The following ZNF84 variants were observed in gnomAD, a reference collection of about 807,000 sequenced individuals.
The protein encoded by ZNF84 is zinc finger protein HPF2.
ZNF84 carries 12 observed loss-of-function variants against 14.8 expected under a neutral mutation model. The observed-to-expected ratio is 0.81, with a 90% CI of 0.52 to 1.31. ZNF84 has a LOEUF of 1.31. Among genes scored for constraint, ZNF84 ranks in the 50% most tolerant of loss-of-function variants. The pLI is 0.00. For synonymous variants in ZNF84, 347 were observed against 291.1 expected, an observed-to-expected ratio of 1.19 and a Z score of -1.96; for missense variants, 859 against 878.6, an observed-to-expected ratio of 0.98 and a Z score of 0.28.
intron 2 of ZNF84, among the ~76,000 whole-genome samples, chr12:133,046,959 A>ATT (rs1953993176): frequency 7.6e-6 from 1 of 132,012 alleles, no homozygotes; most frequent in African/African-American, 2.6e-5. Flanking sequence ...ATATTATATT[A>ATT]TGTATTATAT....
chr12:133,055,431 CA>C (rs2137408363), intron 4 of ZNF84, among the ~76,000 whole-genome samples: 1 of 152,150 alleles, frequency 6.6e-6, no homozygotes, highest in East Asian at 1.9e-4. Context: ...CAATTTCTCA[CA>C]AAAACTTCAA....
intron 2 of ZNF84, among the ~76,000 whole-genome samples, chr12:133,044,317 A>ATT (rs11326247): frequency 7.6e-4 from 107 of 140,262 alleles, no homozygotes; most frequent in East Asian, 6.2e-3. Flanking sequence ...GCTAGTTTAA[A>ATT]TTTTTTTTTT....
intron 3 of ZNF84, 46 bp downstream of exon 3, chr12:133,048,127 G>A (rs900277872): frequency 6.5e-7 from 1 of 1,535,710 alleles, no homozygotes; most frequent in Admixed American, 1.9e-5. Context: ...CCAATGCATT[G>A]CCTTTTATTT....
chr12:133,055,766 A>G (rs1458095368), intron 4 of ZNF84, among the ~76,000 whole-genome samples: 2 of 152,222 alleles, frequency 1.3e-5, no homozygotes, highest in Non-Finnish European at 2.9e-5. Flanking sequence ...GAAAACTATT[A>G]GAAGAAAACT....
rs200718382 is a variant in ZNF84, at chr12:133,058,458, C to A, written c.1743C>A (p.Ser581=). 60 of 1,613,656 alleles carry A rather than the reference C, an allele frequency of 3.7e-5. 1 individual carries two copies. The highest frequency in any genetic ancestry group is 2.1e-4 in the South Asian group (19 of 91,054). The change falls in exon 5 of 5, where the codon TCC becomes TCA. Residue 581 remains serine (S), a synonymous_variant. Transcript: ENST00000539354. ...GCAGGGACTGTGAAAAAGCTTTCTC[C>A]CAGAAATCACAGCTAAATACCCATC... ...YECRDCEKAF[S]QKSQLNTHQR...
At position 133,057,656 on chromosome 12, in the gene ZNF84, C is replaced by G. The variant is rs1481027479; in HGVS notation, c.941C>G (p.Thr314Arg). 6.2e-7 allele frequency: 1 copy of G among 1,613,960 alleles called. No homozygotes were observed. The highest frequency in any genetic ancestry group is 8.5e-7 in the Non-Finnish European group (1 of 1,180,036). Residue 314 changes from threonine to arginine, a missense_variant, in exon 5 of 5, where the codon ACA (threonine) becomes AGA (arginine). Thr to Arg is a moderately conservative substitution (Grantham distance 71). Transcript: ENST00000539354. ...CTCATATCGCATTGGAGAACACACACAGGAGAGAAACCCTATGGATGCAAT... is the reference window on the plus strand; with the variant it reads ...CTCATATCGCATTGGAGAACACACAGAGGAGAGAAACCCTATGGATGCAAT... The part of the protein sequence containing the change: ...SHLISHWRTH[T>R]GEKPYGCNEC...
At chr12:133,052,522 G>A (rs1469392099) in intron 4 of ZNF84, among the ~76,000 whole-genome samples, 2 of 152,074 alleles carry the variant, frequency 1.3e-5, no homozygotes, top group Admixed American at 1.3e-4. Flanking sequence ...TTTTGTACAG[G>A]CACAGTTTCA....
At chr12:133,049,737 C>T (rs951852575) in intron 4 of ZNF84, among the ~76,000 whole-genome samples, 14 of 152,090 alleles carry the variant, frequency 9.2e-5, no homozygotes, top group Non-Finnish European at 1.3e-4. Flanking sequence ...CTTTGGTCTC[C>T]CAAAGTGCTG....
At chr12:133,053,654 GAT>G (rs1954106160) in intron 4 of ZNF84, among the ~76,000 whole-genome samples, 1 of 152,130 alleles carries the variant, frequency 6.6e-6, no homozygotes, top group Admixed American at 6.5e-5. Context: ...GAGTTGGGAG[GAT>G]CACTTGAGCC....
chr12:133,038,422 G>A (rs1425682438), intron 1 of ZNF84, among the ~76,000 whole-genome samples: 1 of 150,820 alleles, frequency 6.6e-6, no homozygotes, highest in African/African-American at 2.5e-5. Flanking sequence ...CAGGCCCGGT[G>A]TGGTAGGGCA....
At chr12:133,041,915 G>T (rs1203748354) in intron 2 of ZNF84, among the ~76,000 whole-genome samples, 1 of 152,194 alleles carries the variant, frequency 6.6e-6, no homozygotes, top group South Asian at 2.1e-4. Context: ...CTCCTTATCT[G>T]CAGTTTTGCT....
chr12:133,048,135 T>C, intron 3 of ZNF84, 54 bp downstream of exon 3: 2 of 1,518,380 alleles, frequency 1.3e-6, no homozygotes, highest in South Asian at 1.3e-5. Context: ...TTGCCTTTTA[T>C]TTTTAGTTGC....
chr12:133,050,402 T>G, intron 4 of ZNF84: 1 of 398,132 alleles, frequency 2.5e-6, no homozygotes, highest in Non-Finnish European at 4.4e-6. Flanking sequence ...AGACCAATCT[T>G]ATGCTTTCAG....
At chr12:133,048,185 TTTAATGA>T in intron 3 of ZNF84, 104 bp downstream of exon 3, 1 of 1,137,824 alleles carries the variant, frequency 8.8e-7, no homozygotes, top group Non-Finnish European at 1.2e-6. Context: ...TTCTGAAATT[TTTAATGA>T]TTTTAGACCT....
intron 2 of ZNF84, among the ~76,000 whole-genome samples, chr12:133,044,263 G>C (rs1350089601): frequency 6.6e-6 from 1 of 151,674 alleles, no homozygotes; most frequent in Admixed American, 6.6e-5. Flanking sequence ...TCCCACCTCA[G>C]CCTCCCAAGT....
Position 133,057,491 on chromosome 12 carries a change from G to A in ZNF84, c.776G>A (p.Gly259Glu). ...QFITHHRTHT[G>E]EKPYNCSQCG... Reference sequence around the variant, plus strand: ...ATTACACATCACAGAACTCATACAGGAGAAAAACCTTATAATTGTAGCCAG... The same window carrying A: ...ATTACACATCACAGAACTCATACAGAAGAAAAACCTTATAATTGTAGCCAG... The change falls in exon 5 of 5, where the codon GGA (glycine) becomes GAA (glutamate). Residue 259 changes from glycine (G) to glutamate (E), a missense_variant. By Grantham distance (98) the Gly-to-Glu change is moderately conservative (BLOSUM62 -2). Coordinates refer to ENST00000539354, the MANE Select transcript of ZNF84 (RefSeq NM_001289971.2). 6.2e-7 allele frequency: 1 copy of A among 1,614,202 alleles called. No individual in the cohort carries two copies. The highest frequency in any genetic ancestry group is 1.6e-4 in the Middle Eastern group (1 of 6,062).
At position 133,063,184 on chromosome 12, in the gene ZNF84, T is replaced by G. The variant is rs1425631361; in HGVS notation, c.*4252T>G. 1.4e-6 allele frequency: 1 copy of G among 702,286 alleles called. No homozygotes were observed. Among genetic ancestry groups the G allele is most frequent in the Non-Finnish European group, 2.6e-6 (1 of 384,846 alleles). The allele number at this position is 702,286 out of a possible 1,614,324, so 43.5% of individuals were successfully genotyped here. A position where few individuals can be genotyped will look rare whatever the true frequency, so the allele number is the denominator to read the frequency against. On this transcript the variant is annotated 3_prime_UTR_variant, in exon 5 of 5. Transcript: ENST00000539354. Reference sequence around the variant, plus strand: ...AGAAAGAGTCCCGATTGTGTTCCAGTACCTGGTTCTTCTGGTCTTCATGTT... The same window carrying G: ...AGAAAGAGTCCCGATTGTGTTCCAGGACCTGGTTCTTCTGGTCTTCATGTT...
At position 133,058,094 on chromosome 12, in the gene ZNF84, T is replaced by A; in HGVS notation, c.1379T>A (p.Ile460Lys). ...QMTHTGEKPF[I>K]CSKCGKAFSR... is the part of the protein sequence containing the mutation. ...ACACACACAGGAGAAAAACCCTTTA[T>A]ATGCAGTAAATGTGGGAAAGCCTTC... Residue 460 changes from isoleucine to lysine, a missense_variant, in exon 5 of 5, where the codon ATA becomes AAA. Physicochemically the swap from Ile to Lys is moderately radical, Grantham distance 102 (BLOSUM62 -3). Coordinates refer to ENST00000539354, the MANE Select transcript of ZNF84 (RefSeq NM_001289971.2). 6.2e-7 allele frequency: 1 copy of A among 1,608,486 alleles called. No individual in the cohort carries two copies. The highest frequency in any genetic ancestry group is 8.5e-7 in the Non-Finnish European group (1 of 1,178,176).
At chr12:133,045,379 G>A (rs1034586534) in intron 2 of ZNF84, among the ~76,000 whole-genome samples, 19 of 152,292 alleles carry the variant, frequency 1.2e-4, no homozygotes, top group African/African-American at 4.3e-4. Flanking sequence ...GTTGAGGCAG[G>A]AGAATTGCTT....
Sources: gnomAD v4.1 joint callset for allele counts (sites outside exome capture counted in the v4.1 genomes callset) on GRCh38, gnomAD v4.1.1 for gene constraint, MANE v1.5 for transcripts, NCBI Gene and HGNC (gene_info 2026-07-23, HGNC 2026-07-21) for gene names.